Variants in GPSM2 observed in about 807,000 individuals in gnomAD.
GPSM2 encodes G protein signaling modulator 2, also known as G protein-signaling modulator 2.
In GPSM2, 58 loss-of-function variants were observed where a neutral mutation model predicts 78.4. That is an observed-to-expected ratio of 0.74 (90% CI 0.60 to 0.92). The LOEUF (loss-of-function observed/expected upper bound fraction) is 0.92. GPSM2 is among the 40% of genes least tolerant of loss of function. The pLI is 0.00. For missense variants in GPSM2, 700 were observed against 815.5 expected (o/e 0.86, Z 1.73); for synonymous variants, 224 against 280.2 (o/e 0.80, Z 2.00).
intron 2 of GPSM2, among the ~76,000 whole-genome samples, chr1:108,895,022 A>G (rs1454502180): frequency 3.3e-5 from 5 of 152,256 alleles, no homozygotes; most frequent in Non-Finnish European, 5.9e-5. Flanking sequence ...TATACAGAGT[A>G]TAATCATATT....
At chr1:108,881,123 T>C (rs1665874965) in intron 1 of GPSM2, among the ~76,000 whole-genome samples, 1 of 152,242 alleles carries the variant, frequency 6.6e-6, no homozygotes. Flanking sequence ...GTTAGAGTTA[T>C]GTACTAGTTG....
At chr1:108,889,173 G>A (rs1021508809) in intron 2 of GPSM2, among the ~76,000 whole-genome samples, 1 of 152,136 alleles carries the variant, frequency 6.6e-6, no homozygotes, top group Non-Finnish European at 1.5e-5. Flanking sequence ...TGCAGAAGGG[G>A]TACACTCATC....
chr1:108,912,342 C>T (rs548570433), intron 10 of GPSM2, among the ~76,000 whole-genome samples: 64 of 152,134 alleles, frequency 4.2e-4, no homozygotes, highest in African/African-American at 1.3e-3. Flanking sequence ...CCAGTGGAAT[C>T]GAGTAGAGAG....
intron 5 of GPSM2, 66 bp from the exon 6 acceptor site, chr1:108,898,575 TA>T: frequency 6.9e-7 from 1 of 1,446,710 alleles, no homozygotes; most frequent in Admixed American, 1.7e-5. Context: ...AAGAATTAGA[TA>T]TGTAAATCAC....
Position 108,904,173 on chromosome 1 carries a change from C to G in GPSM2, c.1111C>G (p.Leu371Val), listed in dbSNP as rs1649048779. ...AACAGCACGACTTAATCTCTCAGAC[C>G]TTCAAATGGTTCTTGGTCTGAGCTA... ...ELTARLNLSDLQMVLGLSYST... is the reference protein window; with the variant it reads ...ELTARLNLSDVQMVLGLSYST... The change falls in exon 10 of 15, where the codon CTT becomes GTT. Residue 371 changes from leucine (L) to valine (V), a missense_variant. Physicochemically the swap from Leu to Val is conservative, Grantham distance 32 (BLOSUM62 1). Transcript: ENST00000264126. 6.9e-6 allele frequency: 11 copies of G among 1,596,796 alleles called. No individual in the cohort carries two copies. The highest frequency in any genetic ancestry group is 9.4e-6 in the Non-Finnish European group (11 of 1,164,998).
chr1:108,914,533 T>TA lies in GPSM2; in HGVS notation c.1263+134dup, dbSNP rs201246259. 1.2e-3 allele frequency: 853 copies of TA among 688,908 alleles called. 1 individual carries two copies. The highest frequency in any genetic ancestry group is 1.7e-3 in the Middle Eastern group (4 of 2,352). 42.7% of individuals were successfully genotyped at this position (688,908 alleles called of 1,614,324 possible). On this transcript the variant is annotated intron_variant, in intron 11 of 14. Coordinates refer to ENST00000264126, the MANE Select transcript of GPSM2 (RefSeq NM_013296.5). Reference sequence around the variant, plus strand: ...TAGGTATCACTTTAAAATTTGCCTGTAAAAAAAAAGTCAGAAAAAGTATAG... The same window carrying TA: ...TAGGTATCACTTTAAAATTTGCCTGTAAAAAAAAAAGTCAGAAAAAGTATAG...
At chr1:108,917,000 G>A (rs1306447915) in intron 11 of GPSM2, among the ~76,000 whole-genome samples, 3 of 152,146 alleles carry the variant, frequency 2.0e-5, no homozygotes, top group African/African-American at 7.2e-5. Context: ...AGAATTCTTG[G>A]TTAGAAATAA....
intron 1 of GPSM2, among the ~76,000 whole-genome samples, chr1:108,881,659 T>C (rs575442143): frequency 6.6e-6 from 1 of 152,366 alleles, no homozygotes; most frequent in South Asian, 2.1e-4. Flanking sequence ...TAAGAGGCAC[T>C]TTTAAAGATA....
intron 10 of GPSM2, among the ~76,000 whole-genome samples, chr1:108,911,799 A>ATTT (rs71069618): frequency 0.1 from 10,835 of 108,614 alleles, 1,014 homozygotes; most frequent in African/African-American, 0.24. Flanking sequence ...TGGGAAGACA[A>ATTT]TTTTTTTTTT....
At position 108,898,113 on chromosome 1, in the gene GPSM2, C is replaced by A. The variant is rs770476048; in HGVS notation, c.557+12C>A. 6 of 1,612,154 alleles carry A rather than the reference C, an allele frequency of 3.7e-6. No individual in the cohort carries two copies. The South Asian group carries it at 6.6e-5, about 18-fold the overall frequency. On this transcript the variant is annotated intron_variant, in intron 5 of 14. Transcript: ENST00000264126. ...GTGGATTTTTATGAGTGAGTAGGGG[C>A]TGATATGGGCAGTCATGTAGGCCCA...
intron 14 of GPSM2, among the ~76,000 whole-genome samples, chr1:108,927,279 A>T (rs1651179011): frequency 6.6e-6 from 1 of 152,204 alleles, no homozygotes; most frequent in Non-Finnish European, 1.5e-5. Context: ...TTTTCCTCCT[A>T]CAGAAATAGA....
intron 10 of GPSM2, among the ~76,000 whole-genome samples, chr1:108,904,568 C>T (rs966782109): frequency 7.3e-5 from 11 of 151,384 alleles, no homozygotes; most frequent in Non-Finnish European, 1.5e-4. Flanking sequence ...TATCTCTAAG[C>T]TCATTCAAAA....
intron 2 of GPSM2, among the ~76,000 whole-genome samples, chr1:108,887,221 T>G (rs1250940258): frequency 6.6e-6 from 1 of 152,126 alleles, no homozygotes; most frequent in Non-Finnish European, 1.5e-5. Flanking sequence ...TGTCTCCAAA[T>G]TCTGAAATGT....
Position 108,924,192 on chromosome 1 carries a change from T to C in GPSM2, c.1793T>C (p.Phe598Ser). The change falls in exon 14 of 15, where the codon TTT becomes TCT. Residue 598 changes from phenylalanine (F) to serine (S), a missense_variant. By Grantham distance (155) the Phe-to-Ser change is radical (BLOSUM62 -2). Coordinates refer to ENST00000264126, the MANE Select transcript of GPSM2 (RefSeq NM_013296.5). ...NDNKEADEDFFDILVKCQGSR... is the reference protein window; with the variant it reads ...NDNKEADEDFSDILVKCQGSR... Reference sequence around the variant, plus strand: ...AACAAAGAGGCTGATGAAGATTTCTTTGACATCCTTGTAAAATGTCAAGTA... The same window carrying C: ...AACAAAGAGGCTGATGAAGATTTCTCTGACATCCTTGTAAAATGTCAAGTA... The C allele has an allele frequency of 6.2e-7, 1 of 1,611,640 alleles. No homozygotes were observed. Among genetic ancestry groups the C allele is most frequent in the South Asian group, 1.1e-5 (1 of 91,030 alleles).
intron 1 of GPSM2, among the ~76,000 whole-genome samples, chr1:108,880,392 G>A (rs536754580): frequency 2.6e-5 from 4 of 152,222 alleles, no homozygotes; most frequent in African/African-American, 4.8e-5. Context: ...ACCAGGAGTC[G>A]AGACCAGCCT....
chr1:108,913,403 A>G (rs1442705160), intron 10 of GPSM2, among the ~76,000 whole-genome samples: 1 of 152,236 alleles, frequency 6.6e-6, no homozygotes, highest in East Asian at 1.9e-4. Context: ...TAAACCAGTT[A>G]TTATAAAAAA....
intron 12 of GPSM2, 47 bp from the exon 13 acceptor site, chr1:108,922,370 T>C: frequency 3.0e-6 from 4 of 1,326,866 alleles, no homozygotes; most frequent in Non-Finnish European, 3.3e-6. Context: ...GATCTAAAGA[T>C]AATACTGGAA....
At chr1:108,915,048 G>GT (rs1650074416) in intron 11 of GPSM2, among the ~76,000 whole-genome samples, 1 of 151,924 alleles carries the variant, frequency 6.6e-6, no homozygotes, top group Non-Finnish European at 1.5e-5. Flanking sequence ...ACTTTTTTCC[G>GT]TTTCCTTTGA....
intron 1 of GPSM2, among the ~76,000 whole-genome samples, chr1:108,883,948 G>A (rs1286052523): frequency 1.3e-5 from 2 of 152,216 alleles, no homozygotes; most frequent in East Asian, 3.9e-4. Flanking sequence ...GTTGCACTGT[G>A]TCGCCTGGGC....
Sources: allele counts gnomAD v4.1 joint callset (sites outside exome capture counted in the v4.1 genomes callset), GRCh38; gene constraint gnomAD v4.1.1; transcripts MANE v1.5; gene names NCBI Gene and HGNC (gene_info 2026-07-23, HGNC 2026-07-21).